The following AQR variants were observed in gnomAD, a reference collection of about 807,000 sequenced individuals.
AQR encodes the protein aquarius intron-binding spliceosomal factor, also known as RNA helicase aquarius.
A neutral mutation model predicts 180.5 loss-of-function variants in AQR; 61 were observed. The ratio of observed to expected loss-of-function variants is 0.34; its 90% CI spans 0.28 to 0.42. The LOEUF is 0.42. Ranked by LOEUF, AQR falls within the 10% of genes least tolerant of loss-of-function variation. AQR has a pLI of 1.00. For missense variants in AQR, 1,281 were observed against 1,798.3 expected, an observed-to-expected ratio of 0.71 and a Z score of 5.20; for synonymous variants, 551 against 588.8, an observed-to-expected ratio of 0.94 and a Z score of 0.93.
chr15:34,859,925 GC>G, intron 34 of AQR, 116 bp downstream of exon 34: 1 of 438,190 alleles, frequency 2.3e-6, no homozygotes, highest in South Asian at 8.7e-5. Context: ...AATAATAATA[GC>G]CTGCTTTAGT....
At chr15:34,958,360 A>G (rs1261783413) in intron 3 of AQR, among the ~76,000 whole-genome samples, 1 of 151,484 alleles carries the variant, frequency 6.6e-6, no homozygotes, top group Non-Finnish European at 1.5e-5. Context: ...CAAAAATACA[A>G]AAAGAATTAG....
intron 9 of AQR, among the ~76,000 whole-genome samples, chr15:34,935,461 A>G (rs1037845403): frequency 6.6e-6 from 1 of 152,214 alleles, no homozygotes; most frequent in Admixed American, 6.5e-5. Context: ...ACCCAGTGCC[A>G]GATCTATAGA....
intron 27 of AQR, among the ~76,000 whole-genome samples, chr15:34,881,389 T>C (rs539253830): frequency 1.3e-5 from 2 of 152,336 alleles, no homozygotes; most frequent in East Asian, 3.9e-4. Context: ...ATTTTAAAAT[T>C]GTCAGTTACT....
chr15:34,955,128 A>T (rs1053887276), intron 3 of AQR, among the ~76,000 whole-genome samples: 7 of 152,188 alleles, frequency 4.6e-5, no homozygotes, highest in African/African-American at 1.4e-4. Flanking sequence ...GTCTCAAAAT[A>T]ATAAATAAAT....
Position 34,890,343 on chromosome 15 carries a change from A to G in AQR, c.2572-19T>C. 6.3e-7 allele frequency: 1 copy of G among 1,599,942 alleles called. No homozygotes were observed. ...TTAGGGCCTAGACAATAAAGCAAGA[A>G]GGGTGACGGCACCTTTAAACGTAGC... On this transcript the variant is annotated intron_variant, in intron 23 of 34. Coordinates refer to ENST00000156471, the MANE Select transcript of AQR (RefSeq NM_014691.3).
chr15:34,893,519 C>A lies in AQR; in HGVS notation c.2571+144G>T, dbSNP rs143399540. 9.1e-4 allele frequency: 564 copies of A among 616,596 alleles called. 2 individuals are homozygous for A. In the African/African-American group the frequency reaches 9.6e-3, roughly 11 times the overall value. 38.2% of individuals were successfully genotyped at this position (616,596 alleles called of 1,614,324 possible). On this transcript the variant is annotated intron_variant, in intron 23 of 34. Coordinates refer to ENST00000156471, the MANE Select transcript of AQR (RefSeq NM_014691.3). ...AAATGGAGAACAAAGAATAATGAAA[C>A]TAGATTTCTTGAAGAGGAACTTATT... is the stretch of plus-strand genomic sequence containing the variant.
At chr15:34,955,238 A>G (rs945969119) in intron 3 of AQR, among the ~76,000 whole-genome samples, 1 of 152,228 alleles carries the variant, frequency 6.6e-6, no homozygotes, top group Admixed American at 6.5e-5. Context: ...ATTTACTGAG[A>G]GCATGCATTA....
chr15:34,969,703 G>A lies in AQR; in HGVS notation c.-90C>T, dbSNP rs2050333901. 1 of 1,344,786 alleles carries A rather than the reference G, an allele frequency of 7.4e-7. No homozygotes were observed. The highest frequency in any genetic ancestry group is 1.0e-6 in the Non-Finnish European group (1 of 989,352). The allele number at this position is 1,344,786 out of a possible 1,614,324, so 83.3% of individuals were successfully genotyped here. On this transcript the variant is annotated 5_prime_UTR_variant, in exon 1 of 35. Transcript: ENST00000156471. ...TCCACTTCCCTTAAGTTACTGCCGG[G>A]GCGCTTAACTCCGCGCCGCACAAAC... is the stretch of plus-strand genomic sequence containing the variant.
At chr15:34,906,976 C>G (rs1036798586) in intron 17 of AQR, among the ~76,000 whole-genome samples, 1 of 152,024 alleles carries the variant, frequency 6.6e-6, no homozygotes, top group South Asian at 2.1e-4. Context: ...TGAATAAGCC[C>G]TCCAAGTCAT....
chr15:34,929,038 G>A (rs933648937), intron 12 of AQR, among the ~76,000 whole-genome samples: 1 of 152,048 alleles, frequency 6.6e-6, no homozygotes, highest in African/African-American at 2.4e-5. Context: ...TTTTGATGGG[G>A]TTGTTTTTTT....
intron 1 of AQR, among the ~76,000 whole-genome samples, chr15:34,964,969 G>C (rs968150313): frequency 6.6e-6 from 1 of 152,078 alleles, no homozygotes; most frequent in Non-Finnish European, 1.5e-5. Context: ...AAACTGGCAA[G>C]CACAAAGACT....
At chr15:34,968,279 G>A (rs1041476844) in intron 1 of AQR, among the ~76,000 whole-genome samples, 1 of 146,448 alleles carries the variant, frequency 6.8e-6, no homozygotes, top group Non-Finnish European at 1.5e-5. Context: ...TTGAGACGGA[G>A]TCTCGCACTG....
intron 27 of AQR, 78 bp downstream of exon 27, chr15:34,882,424 A>C: frequency 7.5e-7 from 1 of 1,332,314 alleles, no homozygotes; most frequent in Non-Finnish European, 9.8e-7. Flanking sequence ...GGTAATTATA[A>C]ATACGAACTT....
intron 24 of AQR, among the ~76,000 whole-genome samples, chr15:34,889,990 A>G (rs1215723542): frequency 6.6e-6 from 1 of 152,242 alleles, no homozygotes; most frequent in African/African-American, 2.4e-5. Flanking sequence ...CATTCTCTTC[A>G]TTAACATAAT....
intron 20 of AQR, 68 bp downstream of exon 20, chr15:34,900,554 A>G: frequency 6.5e-7 from 1 of 1,536,528 alleles, no homozygotes; most frequent in African/African-American, 1.4e-5. Flanking sequence ...TTTAGCTAAC[A>G]ATCCTGATGG....
At chr15:34,943,667 T>C (rs983398805) in intron 6 of AQR, among the ~76,000 whole-genome samples, 1 of 152,118 alleles carries the variant, frequency 6.6e-6, no homozygotes, top group African/African-American at 2.4e-5. Flanking sequence ...AAGTGAATTA[T>C]CAATTCAGAG....
intron 27 of AQR, among the ~76,000 whole-genome samples, chr15:34,879,234 A>G (rs755879590): frequency 3.9e-5 from 6 of 152,348 alleles, no homozygotes; most frequent in Middle Eastern, 3.4e-3. Flanking sequence ...AGGATGATAG[A>G]TAAGAAAAGA....
At chr15:34,885,524 T>C (rs1893046991) in intron 25 of AQR, among the ~76,000 whole-genome samples, 1 of 152,226 alleles carries the variant, frequency 6.6e-6, no homozygotes, top group African/African-American at 2.4e-5. Context: ...ATATGATTCT[T>C]AAATGTTGAA....
chr15:34,870,802 T>C lies in AQR; in HGVS notation c.3718A>G (p.Ile1240Val), dbSNP rs1477191820. Residue 1240 changes from isoleucine to valine, a missense_variant, in exon 31 of 35, where the codon ATC becomes GTC. Coordinates refer to ENST00000156471, the MANE Select transcript of AQR (RefSeq NM_014691.3). Reference protein sequence around the residue: ...YNGQKHLIRDIINRRCGNNPL... With the variant: ...YNGQKHLIRDVINRRCGNNPL... ...TTGTTTCCACATCGTCTATTGATGA[T>C]GTCGCGAATAAGATGCTTTTGGCCA... 6.2e-7 allele frequency: 1 copy of C among 1,613,430 alleles called. No individual in the cohort carries two copies. Among genetic ancestry groups the C allele is most frequent in the Non-Finnish European group, 8.5e-7 (1 of 1,179,712 alleles).
Sources: gnomAD v4.1 joint callset for allele counts (sites outside exome capture counted in the v4.1 genomes callset) on GRCh38, gnomAD v4.1.1 for gene constraint, MANE v1.5 for transcripts, NCBI Gene and HGNC (gene_info 2026-07-23, HGNC 2026-07-21) for gene names.